Variants in MED13L observed in about 807,000 individuals in gnomAD.
The protein encoded by MED13L is mediator of RNA polymerase II transcription subunit 13-like.
MED13L carries 7 observed loss-of-function variants against 220.9 expected under a neutral mutation model. The observed-to-expected ratio is 0.03, with a 90% CI of 0.02 to 0.06. MED13L has a LOEUF of 0.06. MED13L is among the 10% of genes least tolerant of loss of function. The pLI is 1.00. For missense variants in MED13L, 1,965 were observed against 2,760.5 expected, an observed-to-expected ratio of 0.71 and a Z score of 6.46; for synonymous variants, 1,011 against 1,015.2, an observed-to-expected ratio of 1.00 and a Z score of 0.08.
At chr12:116,218,561 G>C (rs971937670) in intron 2 of MED13L, among the ~76,000 whole-genome samples, 4 of 151,628 alleles carry the variant, frequency 2.6e-5, no homozygotes, top group African/African-American at 9.7e-5. Context: ...GTTTTAACCA[G>C]CATTTTTTTT....
chr12:115,967,723 A>G (rs1320925731), intron 28 of MED13L, among the ~76,000 whole-genome samples: 3 of 152,254 alleles, frequency 2.0e-5, no homozygotes, highest in Non-Finnish European at 4.4e-5. Context: ...TGTCTTTAAC[A>G]GACTGTGGGG....
At chr12:115,976,302 T>C (rs989536946) in intron 23 of MED13L, among the ~76,000 whole-genome samples, 1 of 152,198 alleles carries the variant, frequency 6.6e-6, no homozygotes, top group Non-Finnish European at 1.5e-5. Flanking sequence ...AATTGTGATA[T>C]AGTTAACAGA....
intron 2 of MED13L, among the ~76,000 whole-genome samples, chr12:116,202,661 G>A (rs1227161990): frequency 5.3e-5 from 8 of 152,076 alleles, no homozygotes; most frequent in African/African-American, 1.9e-4. Flanking sequence ...CTCGGCTTAC[G>A]CATTTTTAAA....
intron 1 of MED13L, among the ~76,000 whole-genome samples, chr12:116,256,006 AAAGATTCACAACATGTACTACAC>A (rs1389876585): frequency 6.6e-6 from 1 of 152,212 alleles, no homozygotes; most frequent in Non-Finnish European, 1.5e-5. Context: ...ATTTTAGATA[AAAGATTCACAACATGTACTACAC>A]GCCACAAGGA....
Position 116,008,452 on chromosome 12 carries a change from T to C in MED13L, c.1961A>G (p.Glu654Gly), listed in dbSNP as rs1879190487. The change falls in exon 10 of 31, where the codon GAG becomes GGG. Residue 654 changes from glutamate (E) to glycine (G), a missense_variant. Glu to Gly is a moderately conservative substitution (Grantham distance 98). This residue lies in a region of MED13L where 818 missense variants were observed against 1,041.2 expected (regional missense o/e 0.79). Transcript: ENST00000281928. ...AEFRPPELQG[E>G]RCDAKMEVNS... ...TACCTCCATTTTGGCATCACATCTC[T>C]CACCCTGGAGCTCTGGAGGCCTGAA... The C allele has an allele frequency of 6.2e-7, 1 of 1,613,068 alleles. No individual in the cohort carries two copies. The highest frequency in any genetic ancestry group is 8.5e-7 in the Non-Finnish European group (1 of 1,179,934).
intron 3 of MED13L, among the ~76,000 whole-genome samples, chr12:116,097,477 A>T (rs1263723243): frequency 6.6e-6 from 1 of 151,986 alleles, no homozygotes; most frequent in Non-Finnish European, 1.5e-5. Flanking sequence ...GGCTTTTTAA[A>T]TTTTTATTTT....
intron 2 of MED13L, chr12:116,230,534 T>C: frequency 2.1e-6 from 2 of 960,924 alleles, no homozygotes; most frequent in Non-Finnish European, 2.5e-6. Context: ...ATTCCATACC[T>C]GAAAAATAAA....
At chr12:116,042,229 C>T (rs772900571) in intron 4 of MED13L, among the ~76,000 whole-genome samples, 3 of 152,206 alleles carry the variant, frequency 2.0e-5, no homozygotes, top group Non-Finnish European at 4.4e-5. Context: ...AATATAAAGA[C>T]TAGCTTTCTA....
intron 16 of MED13L, among the ~76,000 whole-genome samples, chr12:115,994,928 G>A (rs370414613): frequency 1.7e-4 from 26 of 152,170 alleles, no homozygotes; most frequent in African/African-American, 5.1e-4. Flanking sequence ...AGTCCTGTGC[G>A]GGAGGCAGAG....
chr12:116,083,592 T>C (rs1871386351), intron 4 of MED13L, among the ~76,000 whole-genome samples: 1 of 152,160 alleles, frequency 6.6e-6, no homozygotes, highest in Non-Finnish European at 1.5e-5. Flanking sequence ...TCATTTATTT[T>C]CAGAGGAGCA....
At chr12:116,053,927 C>T (rs925518980) in intron 4 of MED13L, among the ~76,000 whole-genome samples, 1 of 152,098 alleles carries the variant, frequency 6.6e-6, no homozygotes, top group African/African-American at 2.4e-5. Flanking sequence ...AAGTAACTTC[C>T]CCAGGGTCAC....
At chr12:116,053,848 C>T (rs923265816) in intron 4 of MED13L, among the ~76,000 whole-genome samples, 3 of 152,148 alleles carry the variant, frequency 2.0e-5, no homozygotes, top group African/African-American at 7.2e-5. Context: ...GCTCTTTTTA[C>T]CTCTATAAAG....
chr12:116,090,689 T>C (rs939247696), intron 4 of MED13L, among the ~76,000 whole-genome samples: 2 of 152,192 alleles, frequency 1.3e-5, no homozygotes, highest in African/African-American at 2.4e-5. Flanking sequence ...GTCAAATAGT[T>C]AATGGAAGAT....
At chr12:116,046,677 T>C (rs1187015021) in intron 4 of MED13L, among the ~76,000 whole-genome samples, 1 of 152,150 alleles carries the variant, frequency 6.6e-6, no homozygotes, top group Non-Finnish European at 1.5e-5. Flanking sequence ...AAAGTGTTTT[T>C]TAAAAGAAAG....
chr12:116,046,380 C>A (rs982622486), intron 4 of MED13L, among the ~76,000 whole-genome samples: 4 of 151,924 alleles, frequency 2.6e-5, no homozygotes, highest in African/African-American at 9.7e-5. Context: ...AATCTAAAGC[C>A]AAATGGATGT....
At chr12:115,963,331 A>T in intron 30 of MED13L, 76 bp downstream of exon 30, 1 of 1,243,502 alleles carries the variant, frequency 8.0e-7, no homozygotes, top group Non-Finnish European at 1.2e-6. Flanking sequence ...CACTTAGATT[A>T]AAACACCTTG....
In MED13L at chr12:115,991,309, G is replaced by A. The variant is rs372042921; in HGVS notation, c.3645C>T (p.Thr1215=). The change falls in exon 17 of 31, where the codon ACC becomes ACT. Residue 1215 remains threonine, a synonymous_variant. Transcript: ENST00000281928. The surrounding 1 kb of genome is among the most constrained non-coding windows in gnomAD (Gnocchi z 7.7). ...QSTFLPQVEG[T]KKPQEPPISL... ...TTATGGGTGGCTCCTGGGGTTTTTTGGTTCCTTCCACCTGAGGAAGGAAGG... is the reference window on the plus strand; with the variant it reads ...TTATGGGTGGCTCCTGGGGTTTTTTAGTTCCTTCCACCTGAGGAAGGAAGG... The A allele has an allele frequency of 1.2e-6, 2 of 1,613,872 alleles. No individual in the cohort carries two copies. The highest frequency in any genetic ancestry group is 2.7e-5 in the African/African-American group (2 of 74,866).
chr12:116,138,583 C>A (rs1359634304), intron 2 of MED13L, among the ~76,000 whole-genome samples: 1 of 152,208 alleles, frequency 6.6e-6, no homozygotes, highest in Non-Finnish European at 1.5e-5. Context: ...AATTAAGCTG[C>A]TGCTGTCTTC....
chr12:116,096,354 C>CAAAAAAAAA lies in MED13L; in HGVS notation c.479+306_479+314dup, dbSNP rs537207957. ...TGGGTGACAGAGTGAGACACAGCCT[C>CAAAAAAAAA]AAAAAAAAAAAAAAAAAAAAAAAAA... On this transcript the variant is annotated intron_variant, in intron 4 of 30. Coordinates refer to ENST00000281928, the MANE Select transcript of MED13L (RefSeq NM_015335.5). Among the ~76,000 whole-genome samples, 87 of 23,558 alleles carry CAAAAAAAAA rather than the reference C, an allele frequency of 3.7e-3. 9 individuals are homozygous for CAAAAAAAAA. The highest frequency in any genetic ancestry group is 8.5e-3 in the African/African-American group (65 of 7,690). 15.5% of individuals were successfully genotyped at this position (23,558 alleles called of 152,430 possible). A position where few individuals can be genotyped will look rare whatever the true frequency, so the allele number is the denominator to read the frequency against.
Sources: allele counts gnomAD v4.1 joint callset (sites outside exome capture counted in the v4.1 genomes callset), GRCh38; gene constraint gnomAD v4.1.1; regional missense constraint gnomAD v4.1.1; non-coding constraint Gnocchi (gnomAD v3.1); transcripts MANE v1.5; gene names NCBI Gene and HGNC (gene_info 2026-07-23, HGNC 2026-07-21).